Variants in PGM2 observed in about 807,000 individuals in gnomAD.
The protein encoded by PGM2 is phosphopentomutase.
In PGM2, 57 loss-of-function variants were observed where a neutral mutation model predicts 74.6. That is an observed-to-expected ratio of 0.76 (90% CI 0.62 to 0.95). PGM2 has a LOEUF of 0.95. Ranked by LOEUF, PGM2 falls within the 40% of genes least tolerant of loss-of-function variation. PGM2 has a pLI of 0.00. For synonymous variants in PGM2, 273 were observed against 260.7 expected (o/e 1.05, Z -0.46); for missense variants, 706 against 741.9 (o/e 0.95, Z 0.56).
chr4:37,826,885 G>C, intron 1 of PGM2, 72 bp downstream of exon 1: 1 of 964,646 alleles, frequency 1.0e-6, no homozygotes, highest in Non-Finnish European at 1.6e-6. Context: ...GCGCGGCGCT[G>C]CTTGCTCTGC....
At position 37,847,082 on chromosome 4, in the gene PGM2, A is replaced by C. The variant is rs748853806; in HGVS notation, c.1159A>C (p.Ile387Leu). 10 of 1,613,592 alleles carry C rather than the reference A, an allele frequency of 6.2e-6. No individual in the cohort carries two copies. The highest frequency in any genetic ancestry group is 1.7e-5 in the Admixed American group (1 of 59,962). ...CGTCTCCTCCAAAATCTTGCGGGCCATTGCCTTAAAGGAAGGTTTTCATTT... is the reference window on the plus strand; with the variant it reads ...CGTCTCCTCCAAAATCTTGCGGGCCCTTGCCTTAAAGGAAGGTTTTCATTT... ...STVSSKILRA[I>L]ALKEGFHFEE... The change falls in exon 9 of 14, where the codon ATT (isoleucine) becomes CTT (leucine). Residue 387 changes from isoleucine (I) to leucine (L), a missense_variant. Around this residue, in one of 3 missense-constraint regions of PGM2, gnomAD observed 359 missense variants for 371.1 expected, o/e 0.97. Transcript: ENST00000381967.
chr4:37,859,865 A>T (rs1205395037), intron 13 of PGM2, among the ~76,000 whole-genome samples: 2 of 152,206 alleles, frequency 1.3e-5, no homozygotes, highest in East Asian at 3.8e-4. Flanking sequence ...CAGAAACAGG[A>T]ATTCCTAACC....
intron 6 of PGM2, among the ~76,000 whole-genome samples, chr4:37,841,435 A>AC (rs1281243030): frequency 6.6e-6 from 1 of 151,996 alleles, no homozygotes; most frequent in Non-Finnish European, 1.5e-5. Flanking sequence ...ATTCAAAGAA[A>AC]CTGAACTTGT....
chr4:37,848,041 T>C (rs1307326873), intron 10 of PGM2, among the ~76,000 whole-genome samples: 1 of 152,238 alleles, frequency 6.6e-6, no homozygotes, highest in Non-Finnish European at 1.5e-5. Flanking sequence ...AAAGATTTTC[T>C]TTCATTTATC....
chr4:37,844,988 A>C (rs9996356), intron 7 of PGM2, among the ~76,000 whole-genome samples: 12,208 of 151,396 alleles, frequency 0.081, 999 homozygotes, highest in East Asian at 0.18. Flanking sequence ...AAAAAAAAAA[A>C]AAAAAAACAA....
chr4:37,852,480 C>T (rs1039066374), intron 12 of PGM2, among the ~76,000 whole-genome samples: 4 of 129,780 alleles, frequency 3.1e-5, no homozygotes, highest in African/African-American at 1.1e-4. Flanking sequence ...CTTCCTCTTT[C>T]TATATTTATT....
At chr4:37,829,490 A>G (rs1318878470) in intron 1 of PGM2, among the ~76,000 whole-genome samples, 1 of 152,238 alleles carries the variant, frequency 6.6e-6, no homozygotes, top group Non-Finnish European at 1.5e-5. Flanking sequence ...TGAGGGCATT[A>G]GGGAAAAAAA....
intron 13 of PGM2, among the ~76,000 whole-genome samples, chr4:37,861,177 A>G (rs1181664433): frequency 1.3e-5 from 2 of 152,152 alleles, no homozygotes; most frequent in African/African-American, 4.8e-5. Flanking sequence ...CTTTCTCTAC[A>G]CCCTTAGGTA....
intron 8 of PGM2, 35 bp downstream of exon 8, chr4:37,845,765 A>G: frequency 8.1e-7 from 1 of 1,236,844 alleles, no homozygotes; most frequent in Non-Finnish European, 1.2e-6. Context: ...ATTATAGAAC[A>G]TATAAAGGAT....
chr4:37,832,276 T>A (rs1450900343), intron 2 of PGM2, among the ~76,000 whole-genome samples: 1 of 152,180 alleles, frequency 6.6e-6, no homozygotes, highest in Non-Finnish European at 1.5e-5. Context: ...TTTAAAATCT[T>A]AGGAGTGGAT....
chr4:37,859,404 C>G (rs573586255), intron 13 of PGM2, among the ~76,000 whole-genome samples: 1 of 152,098 alleles, frequency 6.6e-6, no homozygotes, highest in African/African-American at 2.4e-5. Flanking sequence ...GGGGCCAGCT[C>G]GGCAAGTCTG....
intron 1 of PGM2, among the ~76,000 whole-genome samples, chr4:37,829,071 A>T (rs1030636958): frequency 6.6e-6 from 1 of 152,252 alleles, no homozygotes; most frequent in Non-Finnish European, 1.5e-5. Context: ...TAAAACAGGA[A>T]TATAAAGTCC....
At chr4:37,856,136 AGCACTTTGGGAG>A (rs951897635) in intron 13 of PGM2, among the ~76,000 whole-genome samples, 2 of 152,152 alleles carry the variant, frequency 1.3e-5, no homozygotes, top group Non-Finnish European at 2.9e-5. Flanking sequence ...CTGTAATCCC[AGCACTTTGGGAG>A]GCCGAGGCAG....
chr4:37,846,996 C>G lies in PGM2; in HGVS notation c.1073C>G (p.Ser358Cys), dbSNP rs1292886620. The G allele has an allele frequency of 6.2e-7, 1 of 1,613,266 alleles. No individual in the cohort carries two copies. The highest frequency in any genetic ancestry group is 8.5e-7 in the Non-Finnish European group (1 of 1,179,586). The part of the protein sequence containing the change: ...GALLGWWLFT[S>C]WKEKNQDRSA... ...CTCCTGGGCTGGTGGCTTTTTACAT[C>G]TTGGAAAGAGAAGAACCAGGATCGC... The change falls in exon 9 of 14, where the codon TCT becomes TGT. Residue 358 changes from serine (S) to cysteine (C), a missense_variant. Ser to Cys is a moderately radical substitution (Grantham distance 112). Coordinates refer to ENST00000381967, the MANE Select transcript of PGM2 (RefSeq NM_018290.4).
intron 1 of PGM2, among the ~76,000 whole-genome samples, chr4:37,828,855 A>G (rs1725364337): frequency 6.6e-6 from 1 of 152,156 alleles, no homozygotes; most frequent in African/African-American, 2.4e-5. Context: ...GCACCTGACA[A>G]TCTGATAGGT....
intron 1 of PGM2, among the ~76,000 whole-genome samples, chr4:37,828,678 A>AT (rs1353552009): frequency 1.3e-5 from 2 of 152,132 alleles, no homozygotes; most frequent in Non-Finnish European, 2.9e-5. Flanking sequence ...TCTTTCATAG[A>AT]TATCAAAGAC....
intron 12 of PGM2, among the ~76,000 whole-genome samples, chr4:37,853,617 G>A (rs914808934): frequency 3.9e-5 from 6 of 152,044 alleles, no homozygotes; most frequent in African/African-American, 1.5e-4. Flanking sequence ...CAGATCAAAT[G>A]ACATACTTCA....
chr4:37,826,856 GGTGC>G (rs1725306011), intron 1 of PGM2, 43 bp downstream of exon 1: 1 of 1,307,022 alleles, frequency 7.7e-7, no homozygotes, highest in African/African-American at 1.5e-5. Context: ...AGCGGGGCCG[GGTGC>G]TCTGCCCTCT....
intron 1 of PGM2, among the ~76,000 whole-genome samples, chr4:37,829,388 T>G (rs1232417527): frequency 6.6e-6 from 1 of 152,214 alleles, no homozygotes; most frequent in Non-Finnish European, 1.5e-5. Flanking sequence ...TATTCAAACT[T>G]GACCAGGTAT....
Sources: allele counts gnomAD v4.1 joint callset (sites outside exome capture counted in the v4.1 genomes callset), GRCh38; gene constraint gnomAD v4.1.1; regional missense constraint gnomAD v4.1.1; transcripts MANE v1.5; gene names NCBI Gene and HGNC (gene_info 2026-07-23, HGNC 2026-07-21).